The following PIK3R1 variants were observed in gnomAD, a reference collection of about 807,000 sequenced individuals.
PIK3R1 encodes phosphoinositide-3-kinase regulatory subunit 1.
A neutral mutation model predicts 98.0 loss-of-function variants in PIK3R1; 29 were observed. The ratio of observed to expected loss-of-function variants is 0.30; its 90% CI spans 0.22 to 0.40. PIK3R1 has a LOEUF of 0.40. Among genes scored for constraint, PIK3R1 ranks in the 10% least tolerant of loss-of-function variants. The probability of loss-of-function intolerance (pLI) is 1.00; values close to 1 mark genes in which losing one functional copy is unlikely to be tolerated. For missense variants in PIK3R1, 596 were observed against 872.7 expected, an observed-to-expected ratio of 0.68 and a Z score of 3.99; for synonymous variants, 282 against 311.8, an observed-to-expected ratio of 0.90 and a Z score of 1.01.
intron 8 of PIK3R1, 67 bp from the exon 9 acceptor site, chr5:68,293,034 T>C: frequency 7.4e-7 from 1 of 1,343,852 alleles, no homozygotes; most frequent in South Asian, 1.2e-5. Context: ...AAATAGCCTA[T>C]TTTAAAAAAT....
intron 14 of PIK3R1, 121 bp from the exon 15 acceptor site, chr5:68,296,050 A>AGTCT: frequency 1.1e-6 from 1 of 897,814 alleles, no homozygotes. Context: ...TGTGATGGCC[A>AGTCT]GTCTGACTGG....
At chr5:68,296,405 C>T (rs1747716349) in intron 15 of PIK3R1, 64 bp downstream of exon 15, 2 of 1,455,458 alleles carry the variant, frequency 1.4e-6, no homozygotes, top group African/African-American at 1.4e-5. Flanking sequence ...TTTATTCATT[C>T]ATTGAGTTTT....
rs1175812107 is a variant in PIK3R1 at position 68,299,051 on chromosome 5, C to T, written c.*1450C>T. ...TCAATTAATGACAATTACAAACCTA[C>T]TGTATCTCTAATACAGTGTGACTGG... On this transcript the variant is annotated 3_prime_UTR_variant, in exon 16 of 16. Transcript: ENST00000521381. The T allele has an allele frequency of 4.3e-6, 1 of 233,442 alleles. No homozygotes were observed. Among genetic ancestry groups the T allele is most frequent in the Non-Finnish European group, 8.5e-6 (1 of 117,990 alleles). The allele number at this position is 233,442 out of a possible 1,614,324, so 14.5% of individuals were successfully genotyped here.
intron 7 of PIK3R1, chr5:68,288,666 G>T: frequency 1.4e-5 from 23 of 1,609,278 alleles, no homozygotes; most frequent in Non-Finnish European, 2.0e-5. Flanking sequence ...CCCACTTGGT[G>T]GAAGAACAGC....
intron 2 of PIK3R1, among the ~76,000 whole-genome samples, chr5:68,239,243 AAAT>A (rs761079144): frequency 2.6e-5 from 4 of 152,210 alleles, no homozygotes; most frequent in Non-Finnish European, 4.4e-5. Flanking sequence ...GTAATTATCA[AAAT>A]AATAAAACTA....
At chr5:68,249,472 T>A (rs908681911) in intron 2 of PIK3R1, among the ~76,000 whole-genome samples, 1 of 152,242 alleles carries the variant, frequency 6.6e-6, no homozygotes, top group African/African-American at 2.4e-5. Context: ...TTATCTACCC[T>A]GCACTAAGTG....
In PIK3R1 at chr5:68,289,927, C is replaced by T. The variant is rs1165813608; in HGVS notation, c.917-2332C>T. Among the ~76,000 whole-genome samples the T allele has an allele frequency of 2.0e-5, 3 of 152,052 alleles. No individual in the cohort carries two copies. The East Asian group carries it at 5.8e-4, about 29-fold the overall frequency. On this transcript the variant is annotated intron_variant, in intron 7 of 15. Transcript: ENST00000521381. ...CTTTTTGGAAGAAGCATTTTCTTTG[C>T]CCAGTTTTTTTAGGCAGTCACATTA...
At chr5:68,280,050 T>C (rs1746760611) in intron 5 of PIK3R1, among the ~76,000 whole-genome samples, 2 of 152,212 alleles carry the variant, frequency 1.3e-5, no homozygotes, top group Non-Finnish European at 2.9e-5. Context: ...GAACTGGGAC[T>C]AGAATCCAGT....
intron 8 of PIK3R1, 165 bp downstream of exon 8, chr5:68,292,526 G>T: frequency 6.6e-7 from 1 of 1,521,376 alleles, no homozygotes; most frequent in Non-Finnish European, 8.8e-7. Context: ...GGAGAACTGT[G>T]GGTGCTGGAT....
chr5:68,268,487 T>C (rs140087574), intron 2 of PIK3R1, among the ~76,000 whole-genome samples: 405 of 152,326 alleles, frequency 2.7e-3, no homozygotes, highest in African/African-American at 9.0e-3. Flanking sequence ...CACCAGAATA[T>C]ACATTTTTCA....
At chr5:68,247,605 G>T (rs1390291320) in intron 2 of PIK3R1, among the ~76,000 whole-genome samples, 3 of 150,696 alleles carry the variant, frequency 2.0e-5, no homozygotes, top group Non-Finnish European at 3.0e-5. Context: ...TTGAGACAGG[G>T]TCTTCCTCTG....
chr5:68,242,478 A>T (rs1744906974), intron 2 of PIK3R1, among the ~76,000 whole-genome samples: 1 of 152,194 alleles, frequency 6.6e-6, no homozygotes. Flanking sequence ...CAGTGAGGCA[A>T]GGCAGTAAGC....
In PIK3R1 at chr5:68,226,868, G is replaced by A. The variant is rs2111964583; in HGVS notation, c.193G>A (p.Glu65Lys). ...WLNGYNETTG[E>K]RGDFPGTYVE... Reference sequence around the variant, plus strand: ...AAATGGCTATAATGAAACCACAGGGGAAAGGGGGGACTTTCCGGGAACTTA... The same window carrying A: ...AAATGGCTATAATGAAACCACAGGGAAAAGGGGGGACTTTCCGGGAACTTA... The change falls in exon 2 of 16, where the codon GAA (glutamate) becomes AAA (lysine). Residue 65 changes from glutamate to lysine, a missense_variant. This residue lies in a region of PIK3R1 where 352 missense variants were observed against 393.3 expected (regional missense o/e 0.90). Coordinates refer to ENST00000521381, the MANE Select transcript of PIK3R1 (RefSeq NM_181523.3). 1 of 1,614,090 alleles carries A rather than the reference G, an allele frequency of 6.2e-7. No individual in the cohort carries two copies. The highest frequency in any genetic ancestry group is 2.2e-5 in the East Asian group (1 of 44,868).
At chr5:68,272,155 G>T (rs572049552) in intron 2 of PIK3R1, among the ~76,000 whole-genome samples, 25 of 150,940 alleles carry the variant, frequency 1.7e-4, no homozygotes, top group Admixed American at 4.0e-4. Context: ...CAGGAGGCTG[G>T]GGGGGGAGGA....
intron 2 of PIK3R1, among the ~76,000 whole-genome samples, chr5:68,246,982 C>G (rs552662772): frequency 6.6e-6 from 1 of 152,132 alleles, no homozygotes; most frequent in African/African-American, 2.4e-5. Flanking sequence ...CCTAAATTGT[C>G]TTAGCAATAA....
intron 1 of PIK3R1, among the ~76,000 whole-genome samples, chr5:68,222,471 A>G (rs1744125649): frequency 1.3e-5 from 2 of 152,176 alleles, no homozygotes; most frequent in African/African-American, 4.8e-5. Flanking sequence ...TACAGGTGGC[A>G]GAAGCGAAGC....
intron 2 of PIK3R1, among the ~76,000 whole-genome samples, chr5:68,256,567 G>T (rs1745525113): frequency 6.6e-6 from 1 of 152,106 alleles, no homozygotes; most frequent in Non-Finnish European, 1.5e-5. Flanking sequence ...ATAAATTCAA[G>T]GTATTATTGC....
In PIK3R1 at chr5:68,301,342, CTATATA is replaced by C. The variant is rs531318827; in HGVS notation, c.*3761_*3766del. The C allele has an allele frequency of 7.5e-4, 40 of 53,246 alleles. No homozygotes were observed. The highest frequency in any genetic ancestry group is 2.5e-3 in the African/African-American group (39 of 15,306). The allele number at this position is 53,246 out of a possible 1,614,324, so 3.3% of individuals were successfully genotyped here. ...ATAGCATTAGCTGCCCAGGATGCTG[CTATATA>C]TATATATATATATATATATGTGTGT... On this transcript the variant is annotated 3_prime_UTR_variant, in exon 16 of 16. Coordinates refer to ENST00000521381, the MANE Select transcript of PIK3R1 (RefSeq NM_181523.3).
At chr5:68,273,876 C>A in intron 3 of PIK3R1, 63 bp from the exon 4 acceptor site, 1 of 1,255,084 alleles carries the variant, frequency 8.0e-7, no homozygotes, top group South Asian at 1.2e-5. Context: ...TGGCAGCAGC[C>A]TCACAGGTTC....
Sources: allele counts gnomAD v4.1 joint callset (sites outside exome capture counted in the v4.1 genomes callset), GRCh38; gene constraint gnomAD v4.1.1; regional missense constraint gnomAD v4.1.1; transcripts MANE v1.5; gene names NCBI Gene and HGNC (gene_info 2026-07-23, HGNC 2026-07-21).